Variants in TJP1 observed in about 807,000 individuals in gnomAD.
TJP1 encodes tight junction protein 1.
A neutral mutation model predicts 194.2 loss-of-function variants in TJP1; 43 were observed. The observed-to-expected ratio is 0.22, with a 90% CI of 0.17 to 0.29. TJP1 has a LOEUF of 0.29. TJP1 is among the 10% of genes least tolerant of loss of function. TJP1 has a pLI of 1.00. For missense variants in TJP1, 1,971 were observed against 2,185.7 expected (o/e 0.90, Z 1.96); for synonymous variants, 801 against 779.0 (o/e 1.03, Z -0.47).
chr15:29,841,691 CCT>C (rs1410223388), intron 2 of TJP1, among the ~76,000 whole-genome samples: 3 of 151,964 alleles, frequency 2.0e-5, no homozygotes, highest in Non-Finnish European at 4.4e-5. Context: ...AATTGGAGCC[CCT>C]GTTTTTTTCC....
chr15:29,814,817 A>AT (rs979683829), intron 1 of TJP1, among the ~76,000 whole-genome samples: 10 of 152,196 alleles, frequency 6.6e-5, no homozygotes, highest in African/African-American at 2.2e-4. Flanking sequence ...TATTTTCAGT[A>AT]TATCAACTGA....
At chr15:29,726,643 C>G in intron 17 of TJP1, 138 bp downstream of exon 17, 1 of 1,117,494 alleles carries the variant, frequency 8.9e-7, no homozygotes, top group Non-Finnish European at 1.3e-6. Flanking sequence ...TTTAACCAAA[C>G]AGCAGGTGTT....
intron 8 of TJP1, among the ~76,000 whole-genome samples, chr15:29,743,587 C>A (rs1172441218): frequency 6.6e-6 from 1 of 152,064 alleles, no homozygotes; most frequent in African/African-American, 2.4e-5. Context: ...TTTAGCCAGG[C>A]ACTGTCACTT....
At chr15:29,711,559 TTTCA>T (rs2042244221) in intron 23 of TJP1, among the ~76,000 whole-genome samples, 3 of 152,136 alleles carry the variant, frequency 2.0e-5, no homozygotes, top group African/African-American at 7.2e-5. Flanking sequence ...AGAGATGGCG[TTTCA>T]CCACGTTGTC....
intron 15 of TJP1, 166 bp from the exon 16 acceptor site, chr15:29,728,185 C>CT (rs201486703): frequency 0.085 from 28,089 of 332,130 alleles, 25 homozygotes; most frequent in Non-Finnish European, 0.099. Context: ...GCATACTTCC[C>CT]TTTTTTTTTT....
chr15:29,721,438 T>C (rs1002048940), intron 18 of TJP1, among the ~76,000 whole-genome samples: 5 of 152,152 alleles, frequency 3.3e-5, no homozygotes, highest in African/African-American at 1.2e-4. Flanking sequence ...TCCGCCACGA[T>C]TGTAAGTTGC....
At chr15:29,875,300 C>G (rs2052658806) in intron 2 of TJP1, among the ~76,000 whole-genome samples, 1 of 152,184 alleles carries the variant, frequency 6.6e-6, no homozygotes, top group South Asian at 2.1e-4. Context: ...CAACCAATAC[C>G]TGGGAGGCTT....
At chr15:29,962,775 G>T (rs941483416) in intron 1 of TJP1, among the ~76,000 whole-genome samples, 2 of 152,178 alleles carry the variant, frequency 1.3e-5, no homozygotes, top group Non-Finnish European at 2.9e-5. Context: ...CATGTAATAG[G>T]TTAACAGTAA....
chr15:29,955,782 A>AG (rs2055916992), intron 2 of TJP1, among the ~76,000 whole-genome samples: 1 of 148,358 alleles, frequency 6.7e-6, no homozygotes, highest in Non-Finnish European at 1.5e-5. Context: ...AAAAAAAAAA[A>AG]AGAATAGAAA....
intron 1 of TJP1, among the ~76,000 whole-genome samples, chr15:29,814,891 C>G (rs1266888980): frequency 6.6e-6 from 1 of 152,154 alleles, no homozygotes; most frequent in East Asian, 1.9e-4. Context: ...TGAGGGCCAC[C>G]TGAGATTCAG....
intron 1 of TJP1, among the ~76,000 whole-genome samples, chr15:29,814,526 G>C (rs1368432440): frequency 2.0e-5 from 3 of 152,138 alleles, no homozygotes; most frequent in Admixed American, 6.5e-5. Flanking sequence ...TCAGTTACCA[G>C]AAACTGTTGT....
At chr15:29,949,052 A>G (rs1452715854) in intron 2 of TJP1, among the ~76,000 whole-genome samples, 1 of 129,646 alleles carries the variant, frequency 7.7e-6, no homozygotes, top group East Asian at 2.4e-4. Context: ...CACCTCCGCC[A>G]CCTCCACCAC....
At chr15:29,949,661 TCCACAACCA>T in intron 2 of TJP1, among the ~76,000 whole-genome samples, 1 of 48,166 alleles carries the variant, frequency 2.1e-5, no homozygotes, top group African/African-American at 6.8e-5. Flanking sequence ...CACCTCCACC[TCCACAACCA>T]CCACCTCCAC....
At chr15:29,929,637 C>T (rs1356184341) in intron 2 of TJP1, among the ~76,000 whole-genome samples, 2 of 152,070 alleles carry the variant, frequency 1.3e-5, no homozygotes, top group African/African-American at 2.4e-5. Context: ...GTGGCGGTTG[C>T]AGTGAGCTAA....
At chr15:29,802,753 G>A (rs1030040226) in intron 1 of TJP1, among the ~76,000 whole-genome samples, 6 of 152,132 alleles carry the variant, frequency 3.9e-5, no homozygotes, top group Non-Finnish European at 7.4e-5. Flanking sequence ...TTAAGAATGA[G>A]AACTGCTTGC....
intron 2 of TJP1, among the ~76,000 whole-genome samples, chr15:29,888,323 A>G (rs2053191359): frequency 6.6e-6 from 1 of 152,144 alleles, no homozygotes; most frequent in Non-Finnish European, 1.5e-5. Flanking sequence ...TATTAGGTAT[A>G]ACAGAAATAT....
chr15:29,725,097 C>T (rs1245448552), intron 18 of TJP1, among the ~76,000 whole-genome samples: 1 of 152,208 alleles, frequency 6.6e-6, no homozygotes, highest in African/African-American at 2.4e-5. Flanking sequence ...ATGAAGACTA[C>T]AATCCTTTCA....
At position 29,780,919 on chromosome 15, in the gene TJP1, C is replaced by T. The variant is rs368671008; in HGVS notation, c.85-7562G>A. ...AACATTACATACATTAACAACCTAACATCACAACAAAAAGAACTATAGGAA... is the reference window on the plus strand; with the variant it reads ...AACATTACATACATTAACAACCTAATATCACAACAAAAAGAACTATAGGAA... On this transcript the variant is annotated intron_variant, in intron 2 of 27. Transcript: ENST00000614355. Among the ~76,000 whole-genome samples, 6 of 152,042 alleles carry T rather than the reference C, an allele frequency of 3.9e-5. No homozygotes were observed. The South Asian group carries it at 8.3e-4, about 21-fold the overall frequency.
At chr15:29,820,964 C>T (rs45456792) in intron 1 of TJP1, among the ~76,000 whole-genome samples, 1 of 152,162 alleles carries the variant, frequency 6.6e-6, no homozygotes, top group Non-Finnish European at 1.5e-5. Flanking sequence ...CCAGATGTTA[C>T]GGGTAAGCAT....
Sources: allele counts gnomAD v4.1 joint callset (sites outside exome capture counted in the v4.1 genomes callset), GRCh38; gene constraint gnomAD v4.1.1; transcripts MANE v1.5; gene names NCBI Gene and HGNC (gene_info 2026-07-23, HGNC 2026-07-21).